Variants in ZMIZ1 observed in about 807,000 individuals in gnomAD.
ZMIZ1 encodes zinc finger MIZ domain-containing protein 1.
A neutral mutation model predicts 113.9 loss-of-function variants in ZMIZ1; 17 were observed. That is an observed-to-expected ratio of 0.15 (90% CI 0.10 to 0.22). The LOEUF (loss-of-function observed/expected upper bound fraction) is 0.22. Ranked by LOEUF, ZMIZ1 falls within the 10% of genes least tolerant of loss-of-function variation. The probability of loss-of-function intolerance (pLI) is 1.00; values close to 1 mark genes in which losing one functional copy is unlikely to be tolerated. For missense variants in ZMIZ1, 1,059 were observed against 1,477.8 expected (o/e 0.72, Z 4.65); for synonymous variants, 607 against 603.1 (o/e 1.01, Z -0.09).
At chr10:79,239,103 G>C (rs1475180338) in intron 7 of ZMIZ1, among the ~76,000 whole-genome samples, 1 of 152,198 alleles carries the variant, frequency 6.6e-6, no homozygotes, top group Non-Finnish European at 1.5e-5. Flanking sequence ...AGGGAGTGGG[G>C]ACAGAGAGAA....
At chr10:79,186,096 A>G (rs1304669311) in intron 4 of ZMIZ1, among the ~76,000 whole-genome samples, 3 of 152,166 alleles carry the variant, frequency 2.0e-5, no homozygotes, top group African/African-American at 7.2e-5. Context: ...GAGGAGGGAA[A>G]GGGTGTGAAG....
At position 79,304,873 on chromosome 10, in the gene ZMIZ1, G is replaced by A. The variant is rs536484357; in HGVS notation, c.2287-291G>A. Among the ~76,000 whole-genome samples, 18 of 152,240 alleles carry A rather than the reference G, an allele frequency of 1.2e-4. No individual in the cohort carries two copies. In the South Asian group the frequency reaches 3.7e-3, roughly 32 times the overall value. ...GCCTGGTTGAAAGGGGCTATTACAGGGCAAAAAACAGTGAGTCAGCTGGGG... is the reference window on the plus strand; with the variant it reads ...GCCTGGTTGAAAGGGGCTATTACAGAGCAAAAAACAGTGAGTCAGCTGGGG... On this transcript the variant is annotated intron_variant, in intron 19 of 24. Coordinates refer to ENST00000334512, the MANE Select transcript of ZMIZ1 (RefSeq NM_020338.4).
chr10:79,243,878 T>C (rs2132848736), intron 7 of ZMIZ1: 1 of 156,866 alleles, frequency 6.4e-6, no homozygotes, highest in Non-Finnish European at 1.4e-5. Flanking sequence ...GTGTGCTGCA[T>C]GGTGTCAGCC....
intron 4 of ZMIZ1, among the ~76,000 whole-genome samples, chr10:79,193,719 G>A (rs375485225): frequency 9.2e-5 from 14 of 152,170 alleles, no homozygotes; most frequent in Non-Finnish European, 1.5e-4. Context: ...GAAAGAGCAC[G>A]AAAGAGTGAC....
At chr10:79,263,236 C>T (rs1461324756) in intron 7 of ZMIZ1, among the ~76,000 whole-genome samples, 1 of 152,242 alleles carries the variant, frequency 6.6e-6, no homozygotes, top group Non-Finnish European at 1.5e-5. Context: ...TGGCTTCGGT[C>T]TTTGCAGGGT....
intron 6 of ZMIZ1, among the ~76,000 whole-genome samples, chr10:79,210,468 C>G (rs1330819555): frequency 6.6e-6 from 1 of 152,212 alleles, no homozygotes; most frequent in Admixed American, 6.5e-5. Flanking sequence ...AAGGAGCAAA[C>G]AGGGACATAT....
chr10:79,311,458 C>T (rs1855156174), intron 24 of ZMIZ1, among the ~76,000 whole-genome samples: 2 of 152,138 alleles, frequency 1.3e-5, no homozygotes, highest in South Asian at 2.1e-4. Flanking sequence ...CCAAGCCCTG[C>T]GGGGTCCCTT....
At chr10:79,242,561 C>A (rs2132838977) in intron 7 of ZMIZ1, among the ~76,000 whole-genome samples, 1 of 147,858 alleles carries the variant, frequency 6.8e-6, no homozygotes, top group East Asian at 2.0e-4. Context: ...CCTCCCCTCC[C>A]CTCCCCCCGG....
intron 3 of ZMIZ1, among the ~76,000 whole-genome samples, chr10:79,158,070 T>C (rs1324962905): frequency 2.0e-5 from 3 of 152,184 alleles, no homozygotes; most frequent in Non-Finnish European, 4.4e-5. Context: ...ACCACCGTTC[T>C]GATCCCCACT....
intron 1 of ZMIZ1, among the ~76,000 whole-genome samples, chr10:79,103,309 GT>G (rs1485835723): frequency 6.6e-6 from 1 of 152,126 alleles, no homozygotes; most frequent in Admixed American, 6.5e-5. Flanking sequence ...GTGGGGGGCT[GT>G]AAACAGGAAA....
At chr10:79,076,486 G>A (rs990922904) in intron 1 of ZMIZ1, among the ~76,000 whole-genome samples, 2 of 152,190 alleles carry the variant, frequency 1.3e-5, no homozygotes, top group African/African-American at 4.8e-5. Context: ...TCTGGCATTA[G>A]AGCCCCTGCC....
intron 1 of ZMIZ1, among the ~76,000 whole-genome samples, chr10:79,101,920 G>T (rs1448914589): frequency 6.6e-6 from 1 of 152,182 alleles, no homozygotes; most frequent in Non-Finnish European, 1.5e-5. Context: ...GGAGGCAGCT[G>T]AGGACCAGAT....
intron 1 of ZMIZ1, among the ~76,000 whole-genome samples, chr10:79,117,868 C>T (rs1844123223): frequency 6.6e-6 from 1 of 152,222 alleles, no homozygotes; most frequent in South Asian, 2.1e-4. Context: ...GAAGTAGAGC[C>T]ATGAGGCTGA....
chr10:79,114,334 C>T (rs1397298334), intron 1 of ZMIZ1, among the ~76,000 whole-genome samples: 1 of 152,174 alleles, frequency 6.6e-6, no homozygotes, highest in Non-Finnish European at 1.5e-5. Flanking sequence ...TCCGGTTTAG[C>T]GGGCTAAATG....
intron 23 of ZMIZ1, among the ~76,000 whole-genome samples, chr10:79,310,136 A>G (rs1361169125): frequency 1.3e-5 from 2 of 152,100 alleles, no homozygotes; most frequent in Admixed American, 6.5e-5. Flanking sequence ...GACACCCACC[A>G]TTGGTGAACC....
chr10:79,254,154 A>G (rs1850731680), intron 7 of ZMIZ1, among the ~76,000 whole-genome samples: 1 of 152,200 alleles, frequency 6.6e-6, no homozygotes, highest in African/African-American at 2.4e-5. Context: ...GAGGTTTTCC[A>G]GCCGCTTCCT....
At chr10:79,115,307 C>T (rs779211290) in intron 1 of ZMIZ1, among the ~76,000 whole-genome samples, 45 of 152,306 alleles carry the variant, frequency 3.0e-4, no homozygotes, top group Non-Finnish European at 4.7e-4. Context: ...CAGGACAGAC[C>T]GTGTTTCCTG....
chr10:79,074,183 C>T (rs539363207), intron 1 of ZMIZ1, among the ~76,000 whole-genome samples: 8 of 152,320 alleles, frequency 5.3e-5, no homozygotes, highest in South Asian at 2.1e-4. Flanking sequence ...AGGTTCAGAG[C>T]GGTCAAACAA....
At chr10:79,301,958 C>A in intron 17 of ZMIZ1, 149 bp from the exon 18 acceptor site, 1 of 698,092 alleles carries the variant, frequency 1.4e-6, no homozygotes, top group Non-Finnish European at 2.5e-6. Context: ...CAGAGTAGTG[C>A]TCAGGCTCGC....
Sources: gnomAD v4.1 joint callset for allele counts (sites outside exome capture counted in the v4.1 genomes callset) on GRCh38, gnomAD v4.1.1 for gene constraint, MANE v1.5 for transcripts, NCBI Gene and HGNC (gene_info 2026-07-23, HGNC 2026-07-21) for gene names.